The following CLDN2 variants were observed in gnomAD, a reference collection of about 807,000 sequenced individuals.
CLDN2 encodes claudin-2.
CLDN2 carries 1 observed loss-of-function variant against 8.2 expected under a neutral mutation model. That is an observed-to-expected ratio of 0.12 (90% CI 0.04 to 0.58). The LOEUF is 0.58. CLDN2 is among the 20% of genes least tolerant of loss of function. The pLI, the probability that CLDN2 is intolerant of heterozygous loss-of-function variation, is 0.90. For missense variants in CLDN2, 108 were observed against 172.9 expected, an observed-to-expected ratio of 0.62 and a Z score of 2.11; for synonymous variants, 70 against 70.2, an observed-to-expected ratio of 1.00 and a Z score of 0.01.
upstream of CLDN2, chrX:106,918,279 G>C (rs1342155342): frequency 1.8e-5 from 2 of 112,033 alleles, no homozygotes; most frequent in Non-Finnish European, 3.8e-5. Context: ...CACATAGTTG[G>C]TTAGAGGATT....
At chrX:106,915,928 C>A (rs1933304479), upstream of CLDN2, among the ~76,000 whole-genome samples, 1 of 110,799 alleles carries the variant, frequency 9.0e-6, no homozygotes, top group Admixed American at 9.7e-5. Context: ...TTCAATGGTG[C>A]ACCTACTATG....
At chrX:106,923,036 C>T (rs752068392) in intron 1 of CLDN2, among the ~76,000 whole-genome samples, 1 of 104,548 alleles carries the variant, frequency 9.6e-6, no homozygotes, top group Admixed American at 1.0e-4. Context: ...AGTGCAGTGG[C>T]ACAATCTCGG....
At chrX:106,911,869 G>A (rs371213209) in intron 1 of CLDN2, among the ~76,000 whole-genome samples, 12 of 111,771 alleles carry the variant, frequency 1.1e-4, no homozygotes, top group South Asian at 3.8e-4. Context: ...GGGGCTCTAC[G>A]GTAGGGTGGC....
At chrX:106,908,489 T>C (rs1933207567) in intron 1 of CLDN2, among the ~76,000 whole-genome samples, 3 of 111,148 alleles carry the variant, frequency 2.7e-5, no homozygotes, top group South Asian at 7.8e-4. Flanking sequence ...CCTGTAATCT[T>C]TTCAGGGTTT....
upstream of CLDN2, among the ~76,000 whole-genome samples, chrX:106,916,050 C>T (rs182097177): frequency 1.8e-5 from 2 of 108,162 alleles, no homozygotes; most frequent in Admixed American, 2.0e-4. Context: ...TACCCCTGAA[C>T]CTGAAATAAA....
At chrX:106,921,768 G>A (rs1933396374) in intron 1 of CLDN2, among the ~76,000 whole-genome samples, 1 of 112,193 alleles carries the variant, frequency 8.9e-6, no homozygotes, top group Admixed American at 9.4e-5. Context: ...GATTAAGTAA[G>A]GATCCTAAGT....
Position 106,929,137 on chromosome X carries a change from TTC to T in CLDN2, c.*218_*219del, listed in dbSNP as rs2147796201. 4.6e-6 allele frequency: 2 copies of T among 430,878 alleles called. No individual in the cohort carries two copies. Among genetic ancestry groups the T allele is most frequent in the East Asian group, 7.6e-5 (2 of 26,302 alleles). The allele number at this position is 430,878 out of a possible 1,213,427, so 35.5% of individuals were successfully genotyped here. ...CCAAGGATGCTCGCCATGCCAGCCT[TTC>T]TGTTTTCCTCACCTTGCTGCTCCCC... On this transcript the variant is annotated 3_prime_UTR_variant, in exon 2 of 2. Transcript: ENST00000336803.
At chrX:106,902,360 C>T in intron 1 of CLDN2, 1 of 447,571 alleles carries the variant, frequency 2.2e-6, no homozygotes. Context: ...CATTCCAGGA[C>T]AGATGTCCCT....
intron 1 of CLDN2, among the ~76,000 whole-genome samples, chrX:106,922,847 G>C: frequency 9.0e-6 from 1 of 111,637 alleles, no homozygotes; most frequent in Non-Finnish European, 1.9e-5. Flanking sequence ...TAAAGCATGA[G>C]GTTGGAGGTT....
chrX:106,923,001 A>T (rs1933414288), intron 1 of CLDN2, among the ~76,000 whole-genome samples: 1 of 100,400 alleles, frequency 1.0e-5, no homozygotes, highest in Non-Finnish European at 2.0e-5. Flanking sequence ...TTTGAGACAA[A>T]GTTTTGCTCT....
intron 1 of CLDN2, among the ~76,000 whole-genome samples, chrX:106,902,437 C>G (rs1013186662): frequency 8.9e-6 from 1 of 112,233 alleles, no homozygotes; most frequent in Non-Finnish European, 1.9e-5. Context: ...ATTTACTTGT[C>G]TTTGGGCTTC....
chrX:106,919,113 T>G (rs1933353149), upstream of CLDN2, among the ~76,000 whole-genome samples: 1 of 112,343 alleles, frequency 8.9e-6, no homozygotes, highest in African/African-American at 3.2e-5. Flanking sequence ...GATGTAGTTC[T>G]GTGTTTTAAT....
intron 1 of CLDN2, among the ~76,000 whole-genome samples, chrX:106,911,421 C>T (rs922204044): frequency 9.0e-6 from 1 of 111,434 alleles, no homozygotes; most frequent in Non-Finnish European, 1.9e-5. Flanking sequence ...TGACTCCACC[C>T]TGCTCTCCCC....
chrX:106,912,164 T>C (rs1030283097), intron 1 of CLDN2, among the ~76,000 whole-genome samples: 11 of 111,043 alleles, frequency 9.9e-5, no homozygotes, highest in African/African-American at 3.3e-4. Context: ...TCTCCACTCT[T>C]TCCCAGACCT....
At chrX:106,901,588 C>T (rs1365478898) in intron 1 of CLDN2, 3 of 1,134,465 alleles carry the variant, frequency 2.6e-6, no homozygotes, top group Non-Finnish European at 1.2e-6. Context: ...GGCTAGATAA[C>T]TTCCTCCTCT....
At position 106,930,462 on chromosome X, in the gene CLDN2, G is replaced by A. The variant is rs975483117; in HGVS notation, c.*1541G>A. The stretch of plus-strand genomic sequence containing the variant: ...ACCTCCTCGAACCTCATTGTCAGCA[G>A]AGAGGGCCCATCTGTTGTCTGTAAC... On this transcript the variant is annotated 3_prime_UTR_variant, in exon 2 of 2. Transcript: ENST00000336803. 1 of 122,781 alleles carries A rather than the reference G, an allele frequency of 8.1e-6. No homozygotes were observed. The highest frequency in any genetic ancestry group is 1.9e-5 in the Non-Finnish European group (1 of 53,120). The allele number at this position is 122,781 out of a possible 1,213,427, so 10.1% of individuals were successfully genotyped here.
upstream of CLDN2, among the ~76,000 whole-genome samples, chrX:106,917,695 C>G (rs186736612): frequency 1.5e-3 from 160 of 105,755 alleles, no homozygotes; most frequent in African/African-American, 5.9e-3. Flanking sequence ...CCTCAAAGAC[C>G]CTTTTTCTCT....
rs763452096 is a variant in CLDN2, at chrX:106,928,850, T to A, written c.622T>A (p.Ser208Thr). Residue 208 changes from serine (S) to threonine (T), a missense_variant, in exon 2 of 2, where the codon TCT becomes ACT. Physicochemically the swap from Ser to Thr is moderately conservative, Grantham distance 58 (BLOSUM62 1). This residue lies in a region of CLDN2 where 81 missense variants were observed against 100.8 expected (regional missense o/e 0.80). Coordinates refer to ENST00000336803, the MANE Select transcript of CLDN2 (RefSeq NM_020384.4). ...AGCCCAACCTCTTGCCACAAGGAGCTCTCCAAGGCCTGGTCAACCTCCCAA... is the reference window on the plus strand; with the variant it reads ...AGCCCAACCTCTTGCCACAAGGAGCACTCCAAGGCCTGGTCAACCTCCCAA... ...YQAQPLATRS[S>T]PRPGQPPKVK... is the part of the protein sequence containing the mutation. 1 of 1,211,639 alleles carries A rather than the reference T, an allele frequency of 8.3e-7. No homozygotes were observed. Among genetic ancestry groups the A allele is most frequent in the Admixed American group, 2.2e-5 (1 of 46,033 alleles).
chrX:106,907,854 C>A (rs1204293754), intron 1 of CLDN2, among the ~76,000 whole-genome samples: 1 of 111,161 alleles, frequency 9.0e-6, no homozygotes, highest in Non-Finnish European at 1.9e-5. Context: ...TTTAATGTTT[C>A]TACTCTGGCA....
Sources: gnomAD v4.1 joint callset for allele counts (sites outside exome capture counted in the v4.1 genomes callset) on GRCh38, gnomAD v4.1.1 for gene constraint, gnomAD v4.1.1 regional missense constraint, MANE v1.5 for transcripts, NCBI Gene and HGNC (gene_info 2026-07-23, HGNC 2026-07-21) for gene names.